The following MNS1 variants were observed in gnomAD, a reference collection of about 807,000 sequenced individuals.
MNS1 encodes meiosis-specific nuclear structural protein 1.
In MNS1, 63 loss-of-function variants were observed where a neutral mutation model predicts 72.0. The ratio of observed to expected loss-of-function variants is 0.87; its 90% CI spans 0.71 to 1.08. The LOEUF (loss-of-function observed/expected upper bound fraction) is 1.08. Ranked by LOEUF, MNS1 falls within the 50% of genes least tolerant of loss-of-function variation. MNS1 has a pLI of 0.00. For synonymous variants in MNS1, 188 were observed against 172.1 expected, an observed-to-expected ratio of 1.09 and a Z score of -0.72; for missense variants, 604 against 562.4, an observed-to-expected ratio of 1.07 and a Z score of -0.75.
Position 56,443,706 on chromosome 15 carries a change from G to T in MNS1, c.835C>A (p.Gln279Lys). ...TTTGCCATCCGATCTTCTTCTCTTT[G>T]CTGCTGCATGTTAGCAAACTCTATG... Reference protein sequence around the residue: ...KIIEFANMQQQREEDRMAKVQ... With the variant: ...KIIEFANMQQKREEDRMAKVQ... Residue 279 changes from glutamine to lysine, a missense_variant, in exon 6 of 10, where the codon CAA becomes AAA. Coordinates refer to ENST00000260453, the MANE Select transcript of MNS1 (RefSeq NM_018365.4). The T allele has an allele frequency of 6.2e-7, 1 of 1,613,122 alleles. No individual in the cohort carries two copies. Among genetic ancestry groups the T allele is most frequent in the Non-Finnish European group, 8.5e-7 (1 of 1,179,682 alleles).
Position 56,434,210 on chromosome 15 carries a change from C to A in MNS1, c.1197G>T (p.Met399Ile). The A allele has an allele frequency of 6.2e-7, 1 of 1,613,934 alleles. No individual in the cohort carries two copies. The highest frequency in any genetic ancestry group is 8.5e-7 in the Non-Finnish European group (1 of 1,179,892). Residue 399 changes from methionine (M) to isoleucine (I), a missense_variant, in exon 8 of 10, where the codon ATG (methionine) becomes ATT (isoleucine). Coordinates refer to ENST00000260453, the MANE Select transcript of MNS1 (RefSeq NM_018365.4). ...IELMNAQKQRMKQLEHRRAVE... is the reference protein window; with the variant it reads ...IELMNAQKQRIKQLEHRRAVE... ...CAGCCCTCCTGTGTTCCAGCTGCTT[C>A]ATTCTTTGTTTCTGAGCATTCATTA...
At chr15:56,439,691 C>T (rs950648421) in intron 7 of MNS1, among the ~76,000 whole-genome samples, 2 of 150,530 alleles carry the variant, frequency 1.3e-5, no homozygotes, top group South Asian at 2.1e-4. Flanking sequence ...TAAGTCTCAT[C>T]GTTTGTACCA....
At chr15:56,463,927 G>A (rs1328563591) in intron 2 of MNS1, 99 bp downstream of exon 2, 5 of 949,342 alleles carry the variant, frequency 5.3e-6, no homozygotes, top group Non-Finnish European at 6.3e-6. Context: ...CTTACCTGCT[G>A]CTGTTGTTTA....
At chr15:56,443,927 A>G in intron 5 of MNS1, 73 bp from the exon 6 acceptor site, 1 of 1,158,022 alleles carries the variant, frequency 8.6e-7, no homozygotes, top group African/African-American at 1.6e-5. Flanking sequence ...TTTGTTCATA[A>G]TAATGTACAG....
rs570355679 is a variant in MNS1, at chr15:56,429,207, AC to A, written c.1396-15del. ...TTTAAATACTCCCTACGAGAAAAAT[AC>A]TTTGTGGGTTACTTTTGAATACCAG... is the stretch of plus-strand genomic sequence containing the variant. On this transcript the variant is annotated splice_polypyrimidine_tract_variant and intron_variant, in intron 9 of 9. Transcript: ENST00000260453. 4.5e-4 allele frequency: 698 copies of A among 1,544,862 alleles called. 6 individuals are homozygous for A. The African/African-American group carries it at 8.7e-3, about 19-fold the overall frequency.
Position 56,443,819 on chromosome 15 carries a change from A to G in MNS1, c.722T>C (p.Met241Thr), listed in dbSNP as rs2050861099. The change falls in exon 6 of 10, where the codon ATG (methionine) becomes ACG (threonine). Residue 241 changes from methionine (M) to threonine (T), a missense_variant. Coordinates refer to ENST00000260453, the MANE Select transcript of MNS1 (RefSeq NM_018365.4). The part of the protein sequence containing the change: ...KQQKLEKMNA[M>T]RRYIEEFQKE... ...CTGAAACTCTTCTATATACCTTCGCATTGCATTCATTTTTTCTAACTTTTG... is the reference window on the plus strand; with the variant it reads ...CTGAAACTCTTCTATATACCTTCGCGTTGCATTCATTTTTTCTAACTTTTG... 1.2e-6 allele frequency: 2 copies of G among 1,605,392 alleles called. No homozygotes were observed. Among genetic ancestry groups the G allele is most frequent in the Non-Finnish European group, 1.7e-6 (2 of 1,177,188 alleles).
chr15:56,463,777 A>C (rs1160679125), intron 2 of MNS1: 1 of 427,812 alleles, frequency 2.3e-6, no homozygotes. Flanking sequence ...GCAAGACTCC[A>C]TCCAAAAAAA....
At chr15:56,461,789 T>C (rs541073250) in intron 2 of MNS1, among the ~76,000 whole-genome samples, 1 of 150,550 alleles carries the variant, frequency 6.6e-6, no homozygotes, top group African/African-American at 2.4e-5. Context: ...TATGAGTCCA[T>C]AAAGGTATTT....
In MNS1 at chr15:56,454,644, A is replaced by G. The variant is rs1007779579; in HGVS notation, c.353+1750T>C. Among the ~76,000 whole-genome samples, 200 of 152,220 alleles carry G rather than the reference A, an allele frequency of 1.3e-3. 1 individual carries two copies. The highest frequency in any genetic ancestry group is 4.7e-3 in the African/African-American group (196 of 41,532). ...TAGGATGAGTGAAAGTACTGTTTTC[A>G]TTACTTGCAATGTTCTGAAAATTCC... On this transcript the variant is annotated intron_variant, in intron 3 of 9. Transcript: ENST00000260453.
chr15:56,443,608 C>G, intron 6 of MNS1, 30 bp downstream of exon 6: 1 of 1,594,100 alleles, frequency 6.3e-7, no homozygotes, highest in South Asian at 1.2e-5. Context: ...CAGAATTTTA[C>G]TAGTGTTAAA....
intron 3 of MNS1, among the ~76,000 whole-genome samples, chr15:56,451,116 G>C (rs1242919809): frequency 6.6e-6 from 1 of 152,134 alleles, no homozygotes; most frequent in Admixed American, 6.6e-5. Flanking sequence ...ATATATTTCA[G>C]ATATTAAATC....
intron 2 of MNS1, among the ~76,000 whole-genome samples, chr15:56,461,729 T>A (rs1199496402): frequency 6.9e-6 from 1 of 144,596 alleles, no homozygotes; most frequent in East Asian, 2.0e-4. Flanking sequence ...AAGGATGAGA[T>A]AATTTGAGCA....
intron 3 of MNS1, among the ~76,000 whole-genome samples, chr15:56,449,804 C>A (rs906195955): frequency 6.6e-6 from 1 of 152,142 alleles, no homozygotes; most frequent in African/African-American, 2.4e-5. Context: ...AAGAATTTAT[C>A]TATTTCATTT....
chr15:56,462,984 T>C (rs1422908939), intron 2 of MNS1, among the ~76,000 whole-genome samples: 2 of 152,184 alleles, frequency 1.3e-5, no homozygotes, highest in African/African-American at 4.8e-5. Flanking sequence ...TCTAAGCTTT[T>C]GAATTTGGAA....
At chr15:56,431,270 G>C in intron 9 of MNS1, 103 bp downstream of exon 9, 1 of 1,359,992 alleles carries the variant, frequency 7.4e-7, no homozygotes, top group Non-Finnish European at 1.0e-6. Context: ...CTTCATAACC[G>C]AGCAAGAAGT....
intron 7 of MNS1, among the ~76,000 whole-genome samples, chr15:56,434,964 A>G (rs550804253): frequency 2.0e-5 from 3 of 152,238 alleles, no homozygotes; most frequent in South Asian, 2.1e-4. Context: ...GTCCTTTCCT[A>G]TAAGCTTTTA....
chr15:56,459,085 G>A (rs1337253177), intron 2 of MNS1, among the ~76,000 whole-genome samples: 1 of 152,168 alleles, frequency 6.6e-6, no homozygotes, highest in Non-Finnish European at 1.5e-5. Flanking sequence ...AAAGAAACCT[G>A]TAACCTATTA....
In MNS1 at chr15:56,434,366, T is replaced by C. The variant is rs763632159; in HGVS notation, c.1041A>G (p.Gln347=). ...KEEAEKKLRK[Q]KEMKQDFEEQ... ...CTTCAAAATCTTGCTTCATCTCTTT[T>C]TGCTTTCTCAATTTCTTTTCTGCTT... is the stretch of plus-strand genomic sequence containing the variant. The change falls in exon 8 of 10, where the codon CAA becomes CAG. Residue 347 remains glutamine, a synonymous_variant. Transcript: ENST00000260453. 1 of 1,612,718 alleles carries C rather than the reference T, an allele frequency of 6.2e-7. No individual in the cohort carries two copies. The highest frequency in any genetic ancestry group is 1.1e-5 in the South Asian group (1 of 90,860).
intron 3 of MNS1, among the ~76,000 whole-genome samples, chr15:56,451,234 C>T (rs1327220730): frequency 1.3e-5 from 2 of 152,166 alleles, no homozygotes. Flanking sequence ...TAGGTTAGAA[C>T]AGATATACCC....
Sources: allele counts gnomAD v4.1 joint callset (sites outside exome capture counted in the v4.1 genomes callset), GRCh38; gene constraint gnomAD v4.1.1; transcripts MANE v1.5; gene names NCBI Gene and HGNC (gene_info 2026-07-23, HGNC 2026-07-21).